DNAJB2: variants seen among roughly 807,000 people sequenced by gnomAD.
DNAJB2 encodes the protein dnaJ homolog subfamily B member 2.
A neutral mutation model predicts 33.3 loss-of-function variants in DNAJB2; 19 were observed. That is an observed-to-expected ratio of 0.57 (90% CI 0.40 to 0.84). The LOEUF is 0.84. Among genes scored for constraint, DNAJB2 ranks in the 40% least tolerant of loss-of-function variants. The probability of loss-of-function intolerance (pLI) is 0.00; values close to 1 mark genes in which losing one functional copy is unlikely to be tolerated. For synonymous variants in DNAJB2, 172 were observed against 164.6 expected, an observed-to-expected ratio of 1.04 and a Z score of -0.34; for missense variants, 368 against 430.9, an observed-to-expected ratio of 0.85 and a Z score of 1.29.
intron 5 of DNAJB2, chr2:219,282,388 A>AT (rs1422022685): frequency 5.1e-6 from 2 of 390,868 alleles, no homozygotes; most frequent in Admixed American, 4.3e-5. Flanking sequence ...AGATAGTGGT[A>AT]TTTTTTAATG....
At chr2:219,280,709 G>A in intron 3 of DNAJB2, 22 bp downstream of exon 3, 1 of 1,545,376 alleles carries the variant, frequency 6.5e-7, no homozygotes, top group Non-Finnish European at 8.9e-7. Context: ...GGTCAGGCAG[G>A]ACCCAGCACA....
intron 5 of DNAJB2, 190 bp downstream of exon 5, chr2:219,282,251 A>G: frequency 1.4e-6 from 1 of 733,684 alleles, no homozygotes; most frequent in East Asian, 2.7e-5. Context: ...GTAATCCAAC[A>G]GTGACACTTC....
At position 219,285,328 on chromosome 2, in the gene DNAJB2, A is replaced by C; in HGVS notation, c.*341A>C. The C allele has an allele frequency of 9.6e-7, 1 of 1,043,162 alleles. No individual in the cohort carries two copies. 64.6% of individuals were successfully genotyped at this position (1,043,162 alleles called of 1,614,324 possible). A position where few individuals can be genotyped will look rare whatever the true frequency, so the allele number is the denominator to read the frequency against. ...TGGTACTCTGCCACCTGTGTTGCTG[A>C]TGGTGTCAAGGAAGGAGGACTTGGC... On this transcript the variant is annotated 3_prime_UTR_variant, in exon 9 of 9. Transcript: ENST00000336576.
intron 3 of DNAJB2, 189 bp downstream of exon 3, chr2:219,280,876 A>G (rs567556638): frequency 3.4e-6 from 2 of 585,270 alleles, no homozygotes; most frequent in South Asian, 4.2e-5. Context: ...AGTGGCTGGC[A>G]TGAGACCTGA....
Position 219,279,572 on chromosome 2 carries a change from T to C in DNAJB2, c.-37+54T>C, listed in dbSNP as rs1171652386. 7.1e-5 allele frequency: 33 copies of C among 467,058 alleles called. No individual in the cohort carries two copies. The Admixed American group carries it at 1.3e-3, about 18-fold the overall frequency. 28.9% of individuals were successfully genotyped at this position (467,058 alleles called of 1,614,324 possible). On this transcript the variant is annotated intron_variant, in intron 1 of 8. Coordinates refer to ENST00000336576, the MANE Select transcript of DNAJB2 (RefSeq NM_006736.6). The surrounding 1 kb of genome is among the most constrained non-coding windows in gnomAD (Gnocchi z 4.9). ...GGGCCCTGGATCGGACTGCTGGAGT[T>C]GGGGGGCCCCGATAGGGCTCCTGGG...
chr2:219,283,079 C>T (rs985236791), intron 6 of DNAJB2, 54 bp from the exon 7 acceptor site: 5 of 1,603,890 alleles, frequency 3.1e-6, no homozygotes, highest in Non-Finnish European at 4.3e-6. Flanking sequence ...CCACAACAGG[C>T]AGCGCAGTCT....
rs535658268 is a variant in DNAJB2, at chr2:219,279,558, C to T, written c.-37+40C>T. 1.9e-5 allele frequency: 8 copies of T among 425,850 alleles called. No homozygotes were observed. The Admixed American group carries it at 3.0e-4, about 16-fold the overall frequency. The allele number at this position is 425,850 out of a possible 1,614,324, so 26.4% of individuals were successfully genotyped here. ...CCGGGTCAGGCTGGGGGCCCTGGAT[C>T]GGACTGCTGGAGTTGGGGGGCCCCG... On this transcript the variant is annotated intron_variant, in intron 1 of 8. Coordinates refer to ENST00000336576, the MANE Select transcript of DNAJB2 (RefSeq NM_006736.6). This position sits in a 1 kb window ranked among gnomAD's most constrained non-coding sequence, Gnocchi z 4.9.
chr2:219,285,287 TG>T lies in DNAJB2; in HGVS notation c.*303del. On this transcript the variant is annotated 3_prime_UTR_variant, in exon 9 of 9. Coordinates refer to ENST00000336576, the MANE Select transcript of DNAJB2 (RefSeq NM_006736.6). ...TCCAAGGGGCATTAGTGGTTTGGGC[TG>T]GGCCTTTTGTGCCCTGGTACTCTGC... The T allele has an allele frequency of 9.0e-7, 1 of 1,108,498 alleles. No homozygotes were observed. Among genetic ancestry groups the T allele is most frequent in the East Asian group, 5.2e-5 (1 of 19,072 alleles). The allele number at this position is 1,108,498 out of a possible 1,614,324, so 68.7% of individuals were successfully genotyped here. A position where few individuals can be genotyped will look rare whatever the true frequency, so the allele number is the denominator to read the frequency against.
chr2:219,280,069 A>G, intron 2 of DNAJB2, 171 bp downstream of exon 2: 1 of 658,932 alleles, frequency 1.5e-6, no homozygotes, highest in East Asian at 2.8e-5. Context: ...GGTAGAGTAC[A>G]AGGAGAACGT....
At position 219,286,360 on chromosome 2, in the gene DNAJB2, T is replaced by C. The variant is rs1011416480; in HGVS notation, c.*1373T>C. ...GAGATGGGGAGATTTTGTCTTTTGA[T>C]TTATCCCTGTAGGGCTGGCAGGGTT... is the stretch of plus-strand genomic sequence containing the variant. On this transcript the variant is annotated 3_prime_UTR_variant, in exon 9 of 9. Coordinates refer to ENST00000336576, the MANE Select transcript of DNAJB2 (RefSeq NM_006736.6). 7.5e-6 allele frequency: 2 copies of C among 264,920 alleles called. No individual in the cohort carries two copies. Among genetic ancestry groups the C allele is most frequent in the African/African-American group, 2.1e-5 (1 of 46,568 alleles). The allele number at this position is 264,920 out of a possible 1,614,324, so 16.4% of individuals were successfully genotyped here. A position where few individuals can be genotyped will look rare whatever the true frequency, so the allele number is the denominator to read the frequency against.
rs944260910 is a variant in DNAJB2 at position 219,285,714 on chromosome 2, T to C, written c.*727T>C. The C allele has an allele frequency of 3.6e-5, 45 of 1,253,220 alleles. No individual in the cohort carries two copies. The highest frequency in any genetic ancestry group is 4.1e-5 in the Non-Finnish European group (41 of 993,778). 77.6% of individuals were successfully genotyped at this position (1,253,220 alleles called of 1,614,324 possible). A position where few individuals can be genotyped will look rare whatever the true frequency, so the allele number is the denominator to read the frequency against. On this transcript the variant is annotated 3_prime_UTR_variant, in exon 9 of 9. Transcript: ENST00000336576. The stretch of plus-strand genomic sequence containing the variant: ...CCTCTCAGCTGTCCAGATTCAGAAC[T>C]GGAGCCCACTCCTCCTCCCTCTCGT...
Position 219,282,886 on chromosome 2 carries a change from A to C in DNAJB2, c.402A>C (p.Ser134=). ...TTCAGAACCGGGGTTCCCGACACTC[A>C]GGCCCCTTCTTTACCTTCTCTTCCT... ...SELQNRGSRH[S]GPFFTFSSSF... The change falls in exon 6 of 9, where the codon TCA becomes TCC. Residue 134 remains serine (S), a synonymous_variant. Coordinates refer to ENST00000336576, the MANE Select transcript of DNAJB2 (RefSeq NM_006736.6). 6.2e-7 allele frequency: 1 copy of C among 1,607,114 alleles called. No homozygotes were observed. Among genetic ancestry groups the C allele is most frequent in the South Asian group, 1.1e-5 (1 of 89,938 alleles).
intron 5 of DNAJB2, 117 bp from the exon 6 acceptor site, chr2:219,282,720 C>T (rs1010785318): frequency 1.7e-5 from 16 of 940,484 alleles, no homozygotes; most frequent in African/African-American, 1.4e-4. Flanking sequence ...AACTAAAAAG[C>T]GGAAAAGAAA....
Position 219,279,909 on chromosome 2 carries a change from C to T in DNAJB2, c.65+11C>T. The T allele has an allele frequency of 6.2e-7, 1 of 1,613,846 alleles. No individual in the cohort carries two copies. The highest frequency in any genetic ancestry group is 8.5e-7 in the Non-Finnish European group (1 of 1,179,940). On this transcript the variant is annotated intron_variant, in intron 2 of 8. Transcript: ENST00000336576. The surrounding 1 kb of genome is among the most constrained non-coding windows in gnomAD (Gnocchi z 4.9). ...TGACATCAAGAAGGCGTAAGTGCCT[C>T]CGTATGCAACAGAAGACCTCTCACC...
In DNAJB2 at chr2:219,283,340, A is replaced by C. The variant is rs1029960371; in HGVS notation, c.549-79A>C. 3 of 1,605,850 alleles carry C rather than the reference A, an allele frequency of 1.9e-6. No homozygotes were observed. In the African/African-American group the frequency reaches 4.0e-5, roughly 21 times the overall value. ...GGGCAGGGCCCAGTCTGCGCTCTCT[A>C]CTGCGGTGGCCAGAACTGGGACCAG... is the stretch of plus-strand genomic sequence containing the variant. On this transcript the variant is annotated intron_variant, in intron 7 of 8. Transcript: ENST00000336576.
At position 219,284,480 on chromosome 2, in the gene DNAJB2, G is replaced by A. The variant is rs1574901919; in HGVS notation, c.620-152G>A. 3.2e-6 allele frequency: 3 copies of A among 937,004 alleles called. No homozygotes were observed. The African/African-American group carries it at 4.9e-5, about 15-fold the overall frequency. 58.0% of individuals were successfully genotyped at this position (937,004 alleles called of 1,614,324 possible). On this transcript the variant is annotated intron_variant, in intron 8 of 8. Transcript: ENST00000336576. ...ACCTGGTAGAGCTGAATACTTCCTT[G>A]TGCTCAAAATCACAAGCCTAGGTGC...
rs1395552954 is a variant in DNAJB2 at position 219,279,466 on chromosome 2, G to C, written c.-89G>C. On this transcript the variant is annotated 5_prime_UTR_variant, in exon 1 of 9. Coordinates refer to ENST00000336576, the MANE Select transcript of DNAJB2 (RefSeq NM_006736.6). The surrounding 1 kb of genome is among the most constrained non-coding windows in gnomAD (Gnocchi z 4.9). ...GGGCTGCGGGTGCCAGACGGTTCCC[G>C]GCGGGGGGCAGGGGCGGGGCGCCGC... 9.8e-6 allele frequency: 2 copies of C among 203,986 alleles called. No homozygotes were observed. Among genetic ancestry groups the C allele is most frequent in the Admixed American group, 6.2e-5 (1 of 16,058 alleles). 12.6% of individuals were successfully genotyped at this position (203,986 alleles called of 1,614,324 possible). A position where few individuals can be genotyped will look rare whatever the true frequency, so the allele number is the denominator to read the frequency against.
At position 219,283,226 on chromosome 2, in the gene DNAJB2, C is replaced by T. The variant is rs1233002725; in HGVS notation, c.539C>T (p.Thr180Ile). The T allele has an allele frequency of 2.5e-6, 4 of 1,614,118 alleles. No homozygotes were observed. The Admixed American group carries it at 6.7e-5, about 27-fold the overall frequency. ...ACCTTTGTCCAAGGACGCCGCATCA[C>T]CACACGCAGGTGAGAGCTCCTTCTG... ...STTFVQGRRI[T>I]TRRIMENGQE... The change falls in exon 7 of 9, where the codon ACC becomes ATC. Residue 180 changes from threonine (T) to isoleucine (I), a missense_variant. Physicochemically the swap from Thr to Ile is moderately conservative, Grantham distance 89. Transcript: ENST00000336576.
Position 219,282,948 on chromosome 2 carries a change from C to A in DNAJB2, c.445+19C>A. The A allele has an allele frequency of 6.4e-7, 1 of 1,573,824 alleles. No individual in the cohort carries two copies. Among genetic ancestry groups the A allele is most frequent in the Non-Finnish European group, 8.6e-7 (1 of 1,161,864 alleles). On this transcript the variant is annotated intron_variant, in intron 6 of 8. Transcript: ENST00000336576. The stretch of plus-strand genomic sequence containing the variant: ...CACTCCGGTAAGTTCTGCCCCTTCC[C>A]ACGTTTGCAAGCTCCGATTCCTGGA...
Sources: gnomAD v4.1 joint callset for allele counts on GRCh38, gnomAD v4.1.1 for gene constraint, Gnocchi (gnomAD v3.1) non-coding constraint, MANE v1.5 for transcripts, NCBI Gene and HGNC (gene_info 2026-07-23, HGNC 2026-07-21) for gene names.